NAT10: variants seen among roughly 807,000 people sequenced by gnomAD.
NAT10 encodes RNA cytidine acetyltransferase.
A neutral mutation model predicts 132.2 loss-of-function variants in NAT10; 109 were observed. The observed-to-expected ratio is 0.82, with a 90% CI of 0.71 to 0.97. NAT10 has a LOEUF of 0.97. NAT10 is among the 50% of genes least tolerant of loss of function. The probability of loss-of-function intolerance (pLI) is 0.00; values close to 1 mark genes in which losing one functional copy is unlikely to be tolerated. For missense variants in NAT10, 1,184 were observed against 1,263.4 expected (o/e 0.94, Z 0.95); for synonymous variants, 479 against 478.0 (o/e 1.00, Z -0.03).
chr11:34,130,600 A>C (rs909407559), intron 12 of NAT10, among the ~76,000 whole-genome samples: 1 of 152,230 alleles, frequency 6.6e-6, no homozygotes. Flanking sequence ...CCAGGACGTG[A>C]GCCCAGGCCT....
Position 34,140,448 on chromosome 11 carries a change from A to G in NAT10, c.2468A>G (p.Lys823Arg). The change falls in exon 24 of 29, where the codon AAG becomes AGG. Residue 823 changes from lysine (K) to arginine (R), a missense_variant. By Grantham distance (26) the Lys-to-Arg change is conservative (BLOSUM62 2). Transcript: ENST00000257829. Reference protein sequence around the residue: ...LEALFLPYDLKRLEMYSRNMV... With the variant: ...LEALFLPYDLRRLEMYSRNMV... ...GCACTCTTCCTCCCCTATGACCTGA[A>G]GCGGCTGGAGATGTATTCACGGAAT... 6.2e-7 allele frequency: 1 copy of G among 1,614,104 alleles called. No homozygotes were observed.
In NAT10 at chr11:34,112,187, G is replaced by T; in HGVS notation, c.336G>T (p.Lys112Asn). The T allele has an allele frequency of 1.2e-6, 2 of 1,614,250 alleles. No individual in the cohort carries two copies. The highest frequency in any genetic ancestry group is 1.7e-6 in the Non-Finnish European group (2 of 1,180,056). ...IRYCYYNETH[K>N]ILGNTFGMCV... is the part of the protein sequence containing the mutation. ...ACTGCTACTACAACGAGACCCACAA[G>T]ATCCTGGGCAATACCTTCGGCATGT... The change falls in exon 4 of 29, where the codon AAG becomes AAT. Residue 112 changes from lysine (K) to asparagine (N), a missense_variant. By Grantham distance (94) the Lys-to-Asn change is moderately conservative. Coordinates refer to ENST00000257829, the MANE Select transcript of NAT10 (RefSeq NM_024662.3).
Position 34,141,219 on chromosome 11 carries a change from C to T in NAT10, c.2712+11C>T. The T allele has an allele frequency of 6.2e-7, 1 of 1,613,762 alleles. No individual in the cohort carries two copies. Among genetic ancestry groups the T allele is most frequent in the East Asian group, 2.2e-5 (1 of 44,864 alleles). On this transcript the variant is annotated intron_variant, in intron 25 of 28. Coordinates refer to ENST00000257829, the MANE Select transcript of NAT10 (RefSeq NM_024662.3). ...CGCAAAGTTGTGAAGGTAACCTCAG[C>T]CTGAGGGCAGGGGCTTGATGTCTCT...
chr11:34,135,840 G>A (rs1852200269), intron 19 of NAT10, among the ~76,000 whole-genome samples: 1 of 150,028 alleles, frequency 6.7e-6, no homozygotes, highest in South Asian at 2.1e-4. Flanking sequence ...GTGCACGCCT[G>A]TAGTCCCAGC....
intron 26 of NAT10, 136 bp from the exon 27 acceptor site, chr11:34,142,139 C>T (rs1852346307): frequency 1.2e-6 from 1 of 813,484 alleles, no homozygotes. Flanking sequence ...AAGCTGCCTA[C>T]AAGGTTTTTG....
intron 21 of NAT10, 103 bp from the exon 22 acceptor site, chr11:34,139,088 G>A (rs939278907): frequency 2.4e-5 from 26 of 1,085,364 alleles, no homozygotes; most frequent in Admixed American, 2.1e-4. Flanking sequence ...AGAGGCCTGC[G>A]GAAGCACTAA....
chr11:34,136,571 C>A, intron 19 of NAT10, 71 bp from the exon 20 acceptor site: 1 of 1,587,062 alleles, frequency 6.3e-7, no homozygotes, highest in Non-Finnish European at 8.6e-7. Context: ...GAGTGCGCTG[C>A]GGCAGGGTGC....
intron 8 of NAT10, among the ~76,000 whole-genome samples, chr11:34,121,170 G>C (rs1373750048): frequency 6.6e-6 from 1 of 152,182 alleles, no homozygotes; most frequent in Non-Finnish European, 1.5e-5. Flanking sequence ...CAGCACAGCT[G>C]CCAGAGGCAT....
intron 11 of NAT10, among the ~76,000 whole-genome samples, chr11:34,125,289 A>G (rs374479023): frequency 2.2e-4 from 33 of 152,348 alleles, no homozygotes; most frequent in Middle Eastern, 3.4e-3. Context: ...GTCAGGCTGC[A>G]GGCAATGAGA....
chr11:34,146,022 A>G lies in NAT10; in HGVS notation c.2970-62A>G, dbSNP rs1438871683. On this transcript the variant is annotated intron_variant, in intron 28 of 28. Transcript: ENST00000257829. ...TTTTGACAAAGCAAAGCAAGCTTAAAGCAGTCTCAGATGTTCAGATCTGTA... is the reference window on the plus strand; with the variant it reads ...TTTTGACAAAGCAAAGCAAGCTTAAGGCAGTCTCAGATGTTCAGATCTGTA... 8 of 1,194,540 alleles carry G rather than the reference A, an allele frequency of 6.7e-6. No homozygotes were observed. The Admixed American group carries it at 1.5e-4, about 23-fold the overall frequency. The allele number at this position is 1,194,540 out of a possible 1,614,324, so 74.0% of individuals were successfully genotyped here.
intron 13 of NAT10, 95 bp downstream of exon 13, chr11:34,131,032 A>C: frequency 1.3e-6 from 2 of 1,524,880 alleles, no homozygotes; most frequent in Non-Finnish European, 1.8e-6. Flanking sequence ...GGAAGCACCA[A>C]ACCTTCCCAC....
intron 24 of NAT10, 107 bp from the exon 25 acceptor site, chr11:34,140,982 C>T: frequency 6.8e-7 from 1 of 1,473,690 alleles, no homozygotes. Flanking sequence ...TGCTAGTCTA[C>T]CTTTGTACCA....
Position 34,137,099 on chromosome 11 carries a change from G to A in NAT10, c.2211+73G>A, listed in dbSNP as rs1452853732. On this transcript the variant is annotated intron_variant, in intron 21 of 28. Transcript: ENST00000257829. ...TAGGTGACAGGCCTGTCCTTGCAAA[G>A]AGCCCTAGTGCCTCCCTGCTGCATC... 8.6e-6 allele frequency: 13 copies of A among 1,512,206 alleles called. No homozygotes were observed. The Admixed American group carries it at 2.1e-4, about 24-fold the overall frequency. The allele number at this position is 1,512,206 out of a possible 1,614,324, so 93.7% of individuals were successfully genotyped here.
Position 34,140,409 on chromosome 11 carries a change from G to C in NAT10, c.2429G>C (p.Arg810Pro). The C allele has an allele frequency of 6.2e-7, 1 of 1,613,538 alleles. No homozygotes were observed. Among genetic ancestry groups the C allele is most frequent in the Non-Finnish European group, 8.5e-7 (1 of 1,179,490 alleles). Reference sequence around the variant, plus strand: ...TCTATCCCATGGACAGCCCTGAGCCGGGAGGAGCTGGAAGCACTCTTCCTC... The same window carrying C: ...TCTATCCCATGGACAGCCCTGAGCCCGGAGGAGCTGGAAGCACTCTTCCTC... ...MGKPAQPALS[R>P]EELEALFLPY... is the part of the protein sequence containing the mutation. The change falls in exon 24 of 29, where the codon CGG (arginine) becomes CCG (proline). Residue 810 changes from arginine to proline, a missense_variant. Physicochemically the swap from Arg to Pro is moderately radical, Grantham distance 103. Coordinates refer to ENST00000257829, the MANE Select transcript of NAT10 (RefSeq NM_024662.3).
At chr11:34,139,644 C>T (rs1852285534) in intron 23 of NAT10, 149 bp downstream of exon 23, 2 of 659,888 alleles carry the variant, frequency 3.0e-6, no homozygotes, top group Admixed American at 2.5e-5. Context: ...TTGCCAGGCC[C>T]CTGCTCTGTC....
At chr11:34,137,659 G>A (rs184425294) in intron 21 of NAT10, among the ~76,000 whole-genome samples, 2 of 152,322 alleles carry the variant, frequency 1.3e-5, no homozygotes, top group East Asian at 3.9e-4. Context: ...TGTAGTTTGT[G>A]TTCAGTAAAT....
chr11:34,113,215 G>A (rs969451413), intron 4 of NAT10, among the ~76,000 whole-genome samples: 1 of 152,196 alleles, frequency 6.6e-6, no homozygotes, highest in Admixed American at 6.5e-5. Flanking sequence ...AGCTATAAAT[G>A]TCAGAAAATG....
In NAT10 at chr11:34,118,248, T is replaced by C. The variant is rs760221122; in HGVS notation, c.626T>C (p.Ile209Thr). Reference protein sequence around the residue: ...VIDDQLNILPISSHVATMEAL... With the variant: ...VIDDQLNILPTSSHVATMEAL... ...GATGACCAGCTCAACATCCTGCCCA[T>C]CTCCTCCCACGTTGCCACCATGGAG... is the stretch of plus-strand genomic sequence containing the variant. Residue 209 changes from isoleucine (I) to threonine (T), a missense_variant, in exon 7 of 29, where the codon ATC becomes ACC. Transcript: ENST00000257829. The C allele has an allele frequency of 1.6e-5, 26 of 1,614,024 alleles. No individual in the cohort carries two copies. Among genetic ancestry groups the C allele is most frequent in the Non-Finnish European group, 2.1e-5 (25 of 1,180,036 alleles).
Position 34,141,107 on chromosome 11 carries a change from G to T in NAT10, c.2611G>T (p.Gly871Cys). 6.2e-7 allele frequency: 1 copy of T among 1,613,946 alleles called. No homozygotes were observed. Among genetic ancestry groups the T allele is most frequent in the African/African-American group, 1.3e-5 (1 of 74,948 alleles). ...AAQSALLLGI[G>C]LQHKSVDQLE... ...CCTTTAGGCTCTTCTCTTGGGGATT[G>T]GCCTGCAGCATAAGTCTGTGGACCA... Residue 871 changes from glycine (G) to cysteine (C), a missense_variant, in exon 25 of 29, where the codon GGC becomes TGC. Gly to Cys is a radical substitution (Grantham distance 159). Coordinates refer to ENST00000257829, the MANE Select transcript of NAT10 (RefSeq NM_024662.3).
Sources: gnomAD v4.1 joint callset for allele counts (sites outside exome capture counted in the v4.1 genomes callset) on GRCh38, gnomAD v4.1.1 for gene constraint, MANE v1.5 for transcripts, NCBI Gene and HGNC (gene_info 2026-07-23, HGNC 2026-07-21) for gene names.